The following PSAT1 variants were observed in gnomAD, a reference collection of about 807,000 sequenced individuals.
The protein encoded by PSAT1 is phosphoserine aminotransferase 1.
A neutral mutation model predicts 40.3 loss-of-function variants in PSAT1; 41 were observed. The observed-to-expected ratio is 1.02, with a 90% CI of 0.79 to 1.32. The LOEUF (loss-of-function observed/expected upper bound fraction) is 1.32. Among genes scored for constraint, PSAT1 ranks in the 40% most tolerant of loss-of-function variants. The pLI is 0.00. For synonymous variants in PSAT1, 147 were observed against 170.5 expected, an observed-to-expected ratio of 0.86 and a Z score of 1.07; for missense variants, 406 against 455.8, an observed-to-expected ratio of 0.89 and a Z score of 0.99.
chr9:78,297,904 C>T (rs946612739), intron 1 of PSAT1, among the ~76,000 whole-genome samples: 3 of 152,152 alleles, frequency 2.0e-5, no homozygotes, highest in Admixed American at 2.0e-4. Flanking sequence ...AACCTTCAGT[C>T]CAGCTTTCCC....
chr9:78,297,352 A>T, intron 1 of PSAT1, 82 bp downstream of exon 1: 1 of 1,475,702 alleles, frequency 6.8e-7, no homozygotes, highest in East Asian at 2.4e-5. Flanking sequence ...TGCGTGTGGC[A>T]GTCGGATTCC....
chr9:78,301,136 T>C (rs868576906), intron 2 of PSAT1, among the ~76,000 whole-genome samples: 2 of 152,152 alleles, frequency 1.3e-5, no homozygotes, highest in Admixed American at 6.5e-5. Flanking sequence ...TTTAATAGCT[T>C]GGGTTGCATG....
chr9:78,321,673 C>T (rs1828431637), intron 7 of PSAT1, among the ~76,000 whole-genome samples: 1 of 152,154 alleles, frequency 6.6e-6, no homozygotes, highest in Non-Finnish European at 1.5e-5. Flanking sequence ...ACCATCGAAG[C>T]CTCCAAGTTG....
chr9:78,329,001 CCT>C lies in PSAT1; in HGVS notation c.1033_1034del (p.Leu345ValfsTer2), dbSNP rs2118717904. ...TCTAGGTCTGTGGGAGGCATCCGGG[CCT>C]CTCTGTATAATGCTGTCACAATTGA... On this transcript the variant is annotated frameshift_variant, in exon 9 of 9. Coordinates refer to ENST00000376588, the MANE Select transcript of PSAT1 (RefSeq NM_058179.4). LOFTEE classifies it high-confidence loss of function. The C allele has an allele frequency of 1.2e-6, 2 of 1,613,762 alleles. No individual in the cohort carries two copies. Among genetic ancestry groups the C allele is most frequent in the Non-Finnish European group, 1.7e-6 (2 of 1,179,786 alleles).
At position 78,307,912 on chromosome 9, in the gene PSAT1, C is replaced by T. The variant is rs149375490; in HGVS notation, c.571-502C>T. ...AAAATTCACTGGGCATGGTGGCACA[C>T]GCTGTAATCCCAGCTACTCGGCAGG... On this transcript the variant is annotated intron_variant, in intron 5 of 8. Transcript: ENST00000376588. 3.5e-3 allele frequency among the ~76,000 whole-genome samples: 540 copies of T among 152,144 alleles called. 3 individuals are homozygous for T. The highest frequency in any genetic ancestry group is 0.011 in the African/African-American group (453 of 41,494).
At chr9:78,319,706 G>A (rs748787415) in intron 7 of PSAT1, among the ~76,000 whole-genome samples, 1 of 152,212 alleles carries the variant, frequency 6.6e-6, no homozygotes, top group Non-Finnish European at 1.5e-5. Context: ...GCTTTTGCAT[G>A]AGCTTATTAT....
intron 5 of PSAT1, 30 bp downstream of exon 5, chr9:78,306,516 C>T (rs773065607): frequency 1.2e-5 from 19 of 1,613,652 alleles, no homozygotes; most frequent in Non-Finnish European, 1.6e-5. Flanking sequence ...GTGAGGGGAA[C>T]CCACTGACTC....
Position 78,329,400 on chromosome 9 carries a change from T to G in PSAT1, c.*314T>G, listed in dbSNP as rs1828549069. ...TCAAACTTGCCTGTGGACTTAATAA[T>G]GCAAGTTGCGATTAATTATTTCTGG... On this transcript the variant is annotated 3_prime_UTR_variant, in exon 9 of 9. Transcript: ENST00000376588. 2.7e-6 allele frequency: 1 copy of G among 373,312 alleles called. No individual in the cohort carries two copies. Among genetic ancestry groups the G allele is most frequent in the Admixed American group, 4.0e-5 (1 of 25,238 alleles). 23.1% of individuals were successfully genotyped at this position (373,312 alleles called of 1,614,324 possible).
At chr9:78,311,622 A>G (rs1217035923) in intron 6 of PSAT1, among the ~76,000 whole-genome samples, 5 of 152,068 alleles carry the variant, frequency 3.3e-5, no homozygotes, top group African/African-American at 1.2e-4. Flanking sequence ...TCACAAGGTC[A>G]GGAAATCGAG....
intron 3 of PSAT1, among the ~76,000 whole-genome samples, chr9:78,304,083 A>G (rs1359691701): frequency 2.0e-5 from 3 of 152,238 alleles, no homozygotes; most frequent in African/African-American, 7.2e-5. Context: ...AGCATGTTGC[A>G]TAACACAGGA....
chr9:78,320,619 TCATCCATTCTCCCACCCACC>T (rs1828415589), intron 7 of PSAT1, among the ~76,000 whole-genome samples: 1 of 129,818 alleles, frequency 7.7e-6, no homozygotes, highest in Admixed American at 7.5e-5. Flanking sequence ...ATCCATCCAC[TCATCCATTCTCCCACCCACC>T]CATCCACCCA....
chr9:78,299,220 A>AAG, intron 1 of PSAT1, among the ~76,000 whole-genome samples: 1 of 151,492 alleles, frequency 6.6e-6, no homozygotes, highest in Admixed American at 6.6e-5. Flanking sequence ...GGAAAAAAAA[A>AAG]AACCTACTGG....
chr9:78,328,078 C>A lies in PSAT1; in HGVS notation c.897C>A (p.Ser299Arg). The change falls in exon 8 of 9, where the codon AGC becomes AGA. Residue 299 changes from serine to arginine, a missense_variant. Transcript: ENST00000376588. ...YVCPVEPQNRSKMNIPFRIGN... is the reference protein window; with the variant it reads ...YVCPVEPQNRRKMNIPFRIGN... ...GTCCAGTGGAGCCCCAAAATAGAAG[C>A]AAGATGAATATTCCATTCCGCATTG... 2 of 1,611,452 alleles carry A rather than the reference C, an allele frequency of 1.2e-6. No homozygotes were observed. The highest frequency in any genetic ancestry group is 1.7e-6 in the Non-Finnish European group (2 of 1,179,310).
At chr9:78,298,331 A>G in intron 1 of PSAT1, 9 of 985,028 alleles carry the variant, frequency 9.1e-6, no homozygotes, top group Non-Finnish European at 1.1e-5. Context: ...ATAGCCAAGT[A>G]TTTTACAATT....
intron 7 of PSAT1, among the ~76,000 whole-genome samples, chr9:78,326,953 A>ATTTTTTTTTTTTT (rs1397133333): frequency 4.9e-5 from 4 of 81,512 alleles, no homozygotes; most frequent in African/African-American, 3.7e-4. Flanking sequence ...ATATATATAT[A>ATTTTTTTTTTTTT]TATTTTTTTT....
chr9:78,302,721 G>A (rs926064626), intron 3 of PSAT1, among the ~76,000 whole-genome samples: 3 of 125,356 alleles, frequency 2.4e-5, no homozygotes, highest in African/African-American at 9.4e-5. Context: ...GTGACAAAGC[G>A]AGACTCCGTC....
chr9:78,328,840 G>T, intron 8 of PSAT1, 141 bp from the exon 9 acceptor site: 1 of 711,244 alleles, frequency 1.4e-6, no homozygotes, highest in South Asian at 1.5e-5. Context: ...CTCTGTGCCA[G>T]GTGTCGGGAG....
At position 78,306,565 on chromosome 9, in the gene PSAT1, AAGAACCATGGGTGTTTGAGGCCTGC is replaced by A. The variant is rs371295691; in HGVS notation, c.570+86_570+110del. The A allele has an allele frequency of 1.4e-4, 216 of 1,572,282 alleles. 1 individual carries two copies. The African/African-American group carries it at 2.5e-3, about 18-fold the overall frequency. The stretch of plus-strand genomic sequence containing the variant: ...ACATTTTAATATATACAAGAGCGGG[AAGAACCATGGGTGTTTGAGGCCTGC>A]AGAACCCCTGAGCCAGTGCAGCTGC... On this transcript the variant is annotated intron_variant, in intron 5 of 8. Coordinates refer to ENST00000376588, the MANE Select transcript of PSAT1 (RefSeq NM_058179.4).
At chr9:78,303,038 C>T (rs1048785467) in intron 3 of PSAT1, among the ~76,000 whole-genome samples, 20 of 152,024 alleles carry the variant, frequency 1.3e-4, no homozygotes, top group Admixed American at 9.8e-4. Context: ...TTTTCCTGCT[C>T]ACAGAAATAA....
Sources: allele counts gnomAD v4.1 joint callset (sites outside exome capture counted in the v4.1 genomes callset), GRCh38; gene constraint gnomAD v4.1.1; transcripts MANE v1.5; gene names NCBI Gene and HGNC (gene_info 2026-07-23, HGNC 2026-07-21).